Variants in CELA3B observed in about 807,000 individuals in gnomAD.
The protein encoded by CELA3B is chymotrypsin-like elastase family member 3B.
A neutral mutation model predicts 37.2 loss-of-function variants in CELA3B; 34 were observed. That is an observed-to-expected ratio of 0.91 (90% CI 0.70 to 1.22). The LOEUF (loss-of-function observed/expected upper bound fraction) is 1.22, where lower values mean the gene tolerates loss of function less well. CELA3B is among the 50% of genes most tolerant of loss of function. The pLI, the probability that CELA3B is intolerant of heterozygous loss-of-function variation, is 0.00. For missense variants in CELA3B, 340 were observed against 363.1 expected, an observed-to-expected ratio of 0.94 and a Z score of 0.52; for synonymous variants, 127 against 143.5, an observed-to-expected ratio of 0.89 and a Z score of 0.82.
intron 7 of CELA3B, 108 bp downstream of exon 7, chr1:21,986,791 T>C: frequency 7.8e-7 from 1 of 1,286,956 alleles, no homozygotes; most frequent in South Asian, 1.5e-5. Flanking sequence ...TCCTAGAAGC[T>C]CAGTGGGGAA....
At chr1:21,996,280 G>T (rs1315749225) in intron 4 of CELA3B, among the ~76,000 whole-genome samples, 2 of 146,972 alleles carry the variant, frequency 1.4e-5, no homozygotes, top group East Asian at 4.1e-4. Context: ...CACAGGATGA[G>T]ATAGGAGATC....
chr1:21,979,453 C>T (rs200678574), intron 2 of CELA3B, among the ~76,000 whole-genome samples: 2,673 of 85,378 alleles, frequency 0.031, 92 homozygotes, highest in Non-Finnish European at 0.045. Flanking sequence ...CTTTTCTTTT[C>T]TTTTTTTTTT....
exon 5 of CELA3B, chr1:21,998,245 C>G: frequency 2.2e-6 from 1 of 464,760 alleles, no homozygotes; most frequent in Non-Finnish European, 4.5e-6. Flanking sequence ...CTGAGAAGTC[C>G]TGTAGGAAAG....
chr1:21,995,522 G>A (rs986843924), intron 4 of CELA3B, among the ~76,000 whole-genome samples: 6 of 151,174 alleles, frequency 4.0e-5, no homozygotes, highest in African/African-American at 1.5e-4. Flanking sequence ...AGGTGAGGCT[G>A]TGTGCTGATT....
chr1:21,983,304 G>A (rs973610965), intron 4 of CELA3B, among the ~76,000 whole-genome samples: 3 of 151,942 alleles, frequency 2.0e-5, no homozygotes, highest in Non-Finnish European at 2.9e-5. Context: ...GCAGTGAGCC[G>A]AGATCATGCC....
rs1398335872 is a variant in CELA3B at position 21,984,245 on chromosome 1, G to A, written c.556G>A (p.Glu186Lys). 9 of 1,614,058 alleles carry A rather than the reference G, an allele frequency of 5.6e-6. No individual in the cohort carries two copies. The highest frequency in any genetic ancestry group is 1.6e-4 in the Middle Eastern group (1 of 6,084). ...GGCCCTGCTGCCGGTGGTGGACTAT[G>A]AACACTGCTCCAGGTGGAACTGGTG... Reference protein sequence around the residue: ...QEALLPVVDYEHCSRWNWWGS... With the variant: ...QEALLPVVDYKHCSRWNWWGS... Residue 186 changes from glutamate to lysine, a missense_variant, in exon 6 of 8, where the codon GAA (glutamate) becomes AAA (lysine). By Grantham distance (56) the Glu-to-Lys change is moderately conservative. Coordinates refer to ENST00000337107, the MANE Select transcript of CELA3B (RefSeq NM_007352.4).
downstream of CELA3B, among the ~76,000 whole-genome samples, chr1:21,992,116 G>A (rs12068538): frequency 0.22 from 32,877 of 149,540 alleles, 6,560 homozygotes; most frequent in African/African-American, 0.5. Context: ...GCAAAACTCC[G>A]TTTCAAAAAA....
intron 4 of CELA3B, among the ~76,000 whole-genome samples, chr1:21,982,637 G>A (rs1389035594): frequency 1.3e-5 from 2 of 151,994 alleles, no homozygotes; most frequent in Non-Finnish European, 2.9e-5. Flanking sequence ...AAGATCCACT[G>A]CATCAGAAAT....
At chr1:21,985,505 T>A (rs1239053211) in intron 6 of CELA3B, among the ~76,000 whole-genome samples, 1 of 151,870 alleles carries the variant, frequency 6.6e-6, no homozygotes, top group Non-Finnish European at 1.5e-5. Flanking sequence ...CTCTAACTCT[T>A]GGGCTCAAGT....
chr1:21,982,526 G>A (rs1569840382), intron 4 of CELA3B, among the ~76,000 whole-genome samples: 1 of 152,072 alleles, frequency 6.6e-6, no homozygotes, highest in South Asian at 2.1e-4. Flanking sequence ...GAACCCAGGA[G>A]GTGGAGGTTG....
At chr1:21,989,826 G>C (rs1644862802), downstream of CELA3B, among the ~76,000 whole-genome samples, 1 of 150,744 alleles carries the variant, frequency 6.6e-6, no homozygotes, top group African/African-American at 2.5e-5. Flanking sequence ...GGCTCAGAGG[G>C]GTAAGGAGAC....
chr1:21,983,200 C>G (rs2152816167), intron 4 of CELA3B, among the ~76,000 whole-genome samples: 1 of 152,052 alleles, frequency 6.6e-6, no homozygotes, highest in East Asian at 1.9e-4. Context: ...AAATAATTAA[C>G]AAAAATTAGC....
Position 21,981,040 on chromosome 1 carries a change from G to GGGAT in CELA3B, c.230_231insGGAT (p.Ser77ArgfsTer48), listed in dbSNP as rs1557864551. 2 of 1,614,116 alleles carry GGGAT rather than the reference G, an allele frequency of 1.2e-6. No individual in the cohort carries two copies. Among genetic ancestry groups the GGGAT allele is most frequent in the South Asian group, 2.2e-5 (2 of 91,066 alleles). ...ACTGACCTCACCTCCGCCCGCAGGA[G>GGGAT]CTCCCGGACCTACCAGGTGGTGTTG... is the stretch of plus-strand genomic sequence containing the variant. On this transcript the variant is annotated frameshift_variant, in exon 4 of 8. Transcript: ENST00000337107. LOFTEE classifies it high-confidence loss of function.
At chr1:21,989,593 T>C (rs1191902408), downstream of CELA3B, among the ~76,000 whole-genome samples, 2 of 147,444 alleles carry the variant, frequency 1.4e-5, no homozygotes, top group Non-Finnish European at 3.0e-5. Flanking sequence ...CCAGGAAAAA[T>C]GGGACAAGTT....
rs750058511 is a variant in CELA3B at position 21,980,892 on chromosome 1, C to T, written c.198C>T (p.Asp66=). ...HTCGGSLIAP[D]WVVTAGHCIS... ...GTGGCGGTAGCCTCATCGCCCCCGA[C>T]TGGGTTGTGACTGCCGGCCACTGCA... is the stretch of plus-strand genomic sequence containing the variant. The change falls in exon 3 of 8, where the codon GAC becomes GAT. Residue 66 remains aspartate (D), a synonymous_variant. Coordinates refer to ENST00000337107, the MANE Select transcript of CELA3B (RefSeq NM_007352.4). The T allele has an allele frequency of 4.9e-4, 783 of 1,612,946 alleles. 5 individuals carry two copies. The East Asian group carries it at 8.6e-3, about 18-fold the overall frequency.
Position 21,978,355 on chromosome 1 carries a change from C to A in CELA3B, c.44-14C>A. ...GACCCTCCCGCTGATTGACAGCTCT[C>A]CTCTCCCCTCTAGCCTCAGGCTATG... is the stretch of plus-strand genomic sequence containing the variant. On this transcript the variant is annotated splice_polypyrimidine_tract_variant and intron_variant, in intron 1 of 7. Coordinates refer to ENST00000337107, the MANE Select transcript of CELA3B (RefSeq NM_007352.4). The A allele has an allele frequency of 2.5e-6, 4 of 1,613,972 alleles. No individual in the cohort carries two copies. The highest frequency in any genetic ancestry group is 3.4e-6 in the Non-Finnish European group (4 of 1,179,842).
At position 21,984,336 on chromosome 1, in the gene CELA3B, G is replaced by A. The variant is rs772977681; in HGVS notation, c.642+5G>A. ...GACATCCGCTCCGGCTGCAATGTGA[G>A]TCAGCTCTTACCTGCCCGAGGTGGT... On this transcript the variant is annotated splice_donor_5th_base_variant and intron_variant, in intron 6 of 7. Coordinates refer to ENST00000337107, the MANE Select transcript of CELA3B (RefSeq NM_007352.4). 1.7e-5 allele frequency: 28 copies of A among 1,612,014 alleles called. No homozygotes were observed. The highest frequency in any genetic ancestry group is 2.4e-5 in the Non-Finnish European group (28 of 1,179,234).
In CELA3B at chr1:21,998,556, A is replaced by G. The variant is rs915133643; in HGVS notation, c.*367A>G. 42 of 171,816 alleles carry G rather than the reference A, an allele frequency of 2.4e-4. 1 individual carries two copies. Among genetic ancestry groups the G allele is most frequent in the African/African-American group, 9.0e-4 (38 of 42,146 alleles). 10.6% of individuals were successfully genotyped at this position (171,816 alleles called of 1,614,324 possible). ...GAATATCAGGCTCAACCGTGCTTTC[A>G]GGGTAGGAAGCGGAGGGCATTTGAA... On this transcript the variant is annotated 3_prime_UTR_variant, in exon 5 of 5. Coordinates refer to the CELA3B transcript ENST00000400277.
rs575292287 is a variant in CELA3B at position 21,981,875 on chromosome 1, G to A, written c.362+703G>A. On this transcript the variant is annotated intron_variant, in intron 4 of 7. Coordinates refer to ENST00000337107, the MANE Select transcript of CELA3B (RefSeq NM_007352.4). ...CGAGTAGCTGGGACTACAGGCGCCC[G>A]CCACCACGCCTGGCTAATTTTTTGT... Among the ~76,000 whole-genome samples the A allele has an allele frequency of 2.3e-3, 353 of 152,018 alleles. 2 individuals are homozygous for A. Among genetic ancestry groups the A allele is most frequent in the African/African-American group, 7.0e-3 (292 of 41,460 alleles).
Sources: gnomAD v4.1 joint callset for allele counts (sites outside exome capture counted in the v4.1 genomes callset) on GRCh38, gnomAD v4.1.1 for gene constraint, MANE v1.5 for transcripts, NCBI Gene and HGNC (gene_info 2026-07-23, HGNC 2026-07-21) for gene names.